Variants in RGPD6 observed in about 807,000 individuals in gnomAD.
RGPD6 encodes RANBP2 like and GRIP domain containing 6.
At chr2:110,610,550 C>T in the RGPD6 span, among the ~76,000 whole-genome samples, 1 of 151,392 alleles carries the variant, frequency 6.6e-6, no homozygotes, top group Admixed American at 6.6e-5. Context: ...CCACGCATCC[C>T]ACCCGGGGAG....
chr2:110,592,982 T>G, the RGPD6 span, among the ~76,000 whole-genome samples: 2 of 147,444 alleles, frequency 1.4e-5, 1 homozygote, highest in Non-Finnish European at 2.9e-5. Flanking sequence ...CTAGCTGGTC[T>G]TCTGGAGTTG....
the RGPD6 span, among the ~76,000 whole-genome samples, chr2:110,592,960 A>T: frequency 6.8e-6 from 1 of 147,262 alleles, no homozygotes; most frequent in Non-Finnish European, 1.5e-5. Flanking sequence ...CTACTGTTGA[A>T]AAAAGATGTT....
chr2:110,601,099 A>G, the RGPD6 span, among the ~76,000 whole-genome samples: 1 of 149,714 alleles, frequency 6.7e-6, no homozygotes, highest in Non-Finnish European at 1.5e-5. Context: ...GTCTATGGCC[A>G]GTGAAGATAC....
the RGPD6 span, among the ~76,000 whole-genome samples, chr2:110,600,016 T>C: frequency 6.6e-6 from 1 of 151,976 alleles, no homozygotes; most frequent in Non-Finnish European, 1.5e-5. Context: ...TGTCCTCTCC[T>C]GCACGTAGAC....
the RGPD6 span, among the ~76,000 whole-genome samples, chr2:110,610,194 C>G: frequency 8.9e-6 from 1 of 112,454 alleles, no homozygotes; most frequent in African/African-American, 3.6e-5. Flanking sequence ...GTTCACTTTT[C>G]CATCTCGGTG....
the RGPD6 span, among the ~76,000 whole-genome samples, chr2:110,591,548 T>C: frequency 3.5e-3 from 516 of 148,156 alleles, 1 homozygote; most frequent in Admixed American, 0.03. Context: ...AGCCCCTTGC[T>C]GTCCAAGAGA....
the RGPD6 span, among the ~76,000 whole-genome samples, chr2:110,606,813 G>A: frequency 1.3e-4 from 19 of 151,520 alleles, no homozygotes; most frequent in Middle Eastern, 6.8e-3. Flanking sequence ...GCCTTTTTTC[G>A]TTTTTTAACT....
At chr2:110,593,082 TCCAC>T in the RGPD6 span, among the ~76,000 whole-genome samples, 3 of 148,314 alleles carry the variant, frequency 2.0e-5, no homozygotes, top group Admixed American at 2.0e-4. Flanking sequence ...GAAACAACAT[TCCAC>T]ACATTTATAA....
the RGPD6 span, chr2:110,610,790 G>GCCGCCGCTA: frequency 9.1e-7 from 1 of 1,101,580 alleles, no homozygotes; most frequent in Non-Finnish European, 1.1e-6. Context: ...CAGCGTCGCC[G>GCCGCCGCTA]CCGCCGCTGC....
the RGPD6 span, among the ~76,000 whole-genome samples, chr2:110,600,895 C>G: frequency 3.0e-5 from 4 of 135,170 alleles, no homozygotes; most frequent in African/African-American, 1.1e-4. Flanking sequence ...TAACAGGCCC[C>G]GGACCAATAT....
chr2:110,604,619 A>C, the RGPD6 span, among the ~76,000 whole-genome samples: 1 of 151,780 alleles, frequency 6.6e-6, no homozygotes, highest in African/African-American at 2.4e-5. Flanking sequence ...ATTAAATGAT[A>C]TTAAAATCGT....
the RGPD6 span, among the ~76,000 whole-genome samples, chr2:110,597,263 A>C: frequency 1.3e-3 from 20 of 15,010 alleles, no homozygotes; most frequent in Non-Finnish European, 2.3e-3. Flanking sequence ...AAGTGCTGGG[A>C]TTACAGGCGT....
the RGPD6 span, among the ~76,000 whole-genome samples, chr2:110,592,968 G>T: frequency 6.8e-6 from 1 of 147,184 alleles, no homozygotes; most frequent in Non-Finnish European, 1.5e-5. Flanking sequence ...GAAAAAAGAT[G>T]TTTCTAGCTG....
At chr2:110,599,908 G>A in the RGPD6 span, among the ~76,000 whole-genome samples, 1 of 120,714 alleles carries the variant, frequency 8.3e-6, no homozygotes, top group Non-Finnish European at 1.8e-5. Context: ...TCACTTACAA[G>A]GATTGGTTCT....
chr2:110,591,416 T>C, the RGPD6 span, among the ~76,000 whole-genome samples: 2 of 151,320 alleles, frequency 1.3e-5, no homozygotes, highest in African/African-American at 4.9e-5. Flanking sequence ...GAAGAGTTAA[T>C]TGTGATGCAA....
At chr2:110,609,334 TTG>T in the RGPD6 span, among the ~76,000 whole-genome samples, 1 of 103,904 alleles carries the variant, frequency 9.6e-6, no homozygotes, top group African/African-American at 4.5e-5. Flanking sequence ...GGGCCCGTCC[TTG>T]TGTGTTTTAC....
chr2:110,594,150 A>G, the RGPD6 span, among the ~76,000 whole-genome samples: 4 of 148,084 alleles, frequency 2.7e-5, no homozygotes, highest in Admixed American at 1.3e-4. Context: ...AAAGTATATT[A>G]AAGTATTAAT....
In RGPD6 at chr2:110,577,002, A is replaced by C. The variant is rs773891799; in HGVS notation, c.23T>G (p.Val8Gly). Residue 8 changes from valine to glycine, a missense_variant, in exon 1 of 23, where the codon GTG becomes GGG. Coordinates refer to ENST00000329516, the MANE Select transcript of RGPD6 (RefSeq NM_001123363.4). Reference protein sequence around the residue: MRRSKADVERYVASVLGL... With the variant: MRRSKADGERYVASVLGL... ...CAGCACCGAGGCGACGTACCGCTCC[A>C]CATCGGCCTTGCTGCGCCTCATCGC... The C allele has an allele frequency of 8.1e-6, 5 of 620,886 alleles. No homozygotes were observed. The South Asian group carries it at 1.8e-4, about 22-fold the overall frequency. The allele number at this position is 620,886 out of a possible 1,614,324, so 38.5% of individuals were successfully genotyped here.
chr2:110,606,999 G>A, the RGPD6 span, among the ~76,000 whole-genome samples: 2 of 151,528 alleles, frequency 1.3e-5, no homozygotes, highest in Non-Finnish European at 2.9e-5. Context: ...ACAGAAACCA[G>A]CACAAGGTCT....
Sources: allele counts gnomAD v4.1 joint callset (sites outside exome capture counted in the v4.1 genomes callset), GRCh38; gene constraint gnomAD v4.1.1; transcripts MANE v1.5; gene names NCBI Gene and HGNC (gene_info 2026-07-23, HGNC 2026-07-21).